Variants in ZNF585A observed in about 807,000 individuals in gnomAD.
ZNF585A encodes the protein zinc finger protein 585A.
ZNF585A carries 9 observed loss-of-function variants against 14.9 expected under a neutral mutation model. The ratio of observed to expected loss-of-function variants is 0.60; its 90% CI spans 0.36 to 1.05. The LOEUF (loss-of-function observed/expected upper bound fraction) is 1.05. Ranked by LOEUF, ZNF585A falls within the 50% of genes least tolerant of loss-of-function variation. ZNF585A has a pLI of 0.01. For missense variants in ZNF585A, 726 were observed against 926.4 expected, an observed-to-expected ratio of 0.78 and a Z score of 2.81; for synonymous variants, 276 against 319.9, an observed-to-expected ratio of 0.86 and a Z score of 1.46.
intron 2 of ZNF585A, among the ~76,000 whole-genome samples, chr19:37,169,434 GT>G: frequency 7.3e-6 from 1 of 136,444 alleles, no homozygotes; most frequent in Non-Finnish European, 1.6e-5. Context: ...AAACAGAAAT[GT>G]AAAAAAAAAA....
chr19:37,152,865 T>G lies in ZNF585A; in HGVS notation c.1034A>C (p.Lys345Thr). The change falls in exon 5 of 5, where the codon AAG (lysine) becomes ACG (threonine). Residue 345 changes from lysine (K) to threonine (T), a missense_variant. Coordinates refer to ENST00000292841, the MANE Select transcript of ZNF585A (RefSeq NM_001288800.2). ...AGATTTCTCTCTACTTTGAACTTTC[T>G]TATGTGTAACGAGGTTGGAATTATT... ...FSNNSNLVTHKKVQSREKSSI... is the reference protein window; with the variant it reads ...FSNNSNLVTHTKVQSREKSSI... 1 of 1,614,226 alleles carries G rather than the reference T, an allele frequency of 6.2e-7. No homozygotes were observed. Among genetic ancestry groups the G allele is most frequent in the Non-Finnish European group, 8.5e-7 (1 of 1,180,042 alleles).
In ZNF585A at chr19:37,152,169, G is replaced by A; in HGVS notation, c.1730C>T (p.Pro577Leu). The A allele has an allele frequency of 6.2e-7, 1 of 1,609,200 alleles. No homozygotes were observed. Among genetic ancestry groups the A allele is most frequent in the Non-Finnish European group, 8.5e-7 (1 of 1,177,174 alleles). ...VHQKIHTGEK[P>L]YVCTECGRAF... ...TCTTCCACACTCAGTGCATACATAG[G>A]GTTTCTCTCCTGTATGAATTTTCTG... is the stretch of plus-strand genomic sequence containing the variant. Residue 577 changes from proline to leucine, a missense_variant, in exon 5 of 5, where the codon CCC becomes CTC. Pro to Leu is a moderately conservative substitution (Grantham distance 98). Around this residue, in one of 2 missense-constraint regions of ZNF585A, gnomAD observed 243 missense variants for 383.6 expected, o/e 0.63. Transcript: ENST00000292841.
intron 2 of ZNF585A, among the ~76,000 whole-genome samples, chr19:37,162,157 C>T (rs191019537): frequency 2.2e-4 from 34 of 152,344 alleles, no homozygotes; most frequent in African/African-American, 7.9e-4. Context: ...CTCCTGACCT[C>T]GGGTCATCTG....
At chr19:37,166,992 C>A (rs1439547237) in intron 2 of ZNF585A, among the ~76,000 whole-genome samples, 7 of 151,908 alleles carry the variant, frequency 4.6e-5, no homozygotes, top group African/African-American at 1.7e-4. Flanking sequence ...CACCACCACA[C>A]CTGGCTAATT....
At position 37,152,665 on chromosome 19, in the gene ZNF585A, A is replaced by G. The variant is rs1482085587; in HGVS notation, c.1234T>C (p.Cys412Arg). The G allele has an allele frequency of 4.3e-6, 7 of 1,613,824 alleles. No homozygotes were observed. The highest frequency in any genetic ancestry group is 5.1e-6 in the Non-Finnish European group (6 of 1,179,900). Residue 412 changes from cysteine to arginine, a missense_variant, in exon 5 of 5, where the codon TGC (cysteine) becomes CGC (arginine). Around this residue, in one of 2 missense-constraint regions of ZNF585A, gnomAD observed 483 missense variants for 542.8 expected, o/e 0.89. Transcript: ENST00000292841. ...ATGAAGGCCAGTCCACATTTCATGC[A>G]TATATACGATTTTTCTCCTGTATGA... ...RIHTGEKSYI[C>R]MKCGLAFIQK...
chr19:37,170,405 G>A (rs1362992887), intron 1 of ZNF585A, among the ~76,000 whole-genome samples: 1 of 152,224 alleles, frequency 6.6e-6, no homozygotes, highest in Admixed American at 6.5e-5. Context: ...GGTGAAATAT[G>A]GGAAAAGTCA....
In ZNF585A at chr19:37,152,089, T is replaced by C. The variant is rs780563301; in HGVS notation, c.1810A>G (p.Lys604Glu). The C allele has an allele frequency of 1.9e-6, 3 of 1,604,106 alleles. No homozygotes were observed. The highest frequency in any genetic ancestry group is 2.6e-6 in the Non-Finnish European group (3 of 1,173,862). ...CCACAGTCACTGCATTCATAAGGCT[T>C]CTCTCCAGTATGAATTCTTTGATGA... is the stretch of plus-strand genomic sequence containing the variant. ...ITHQRIHTGEKPYECSDCGKS... is the reference protein window; with the variant it reads ...ITHQRIHTGEEPYECSDCGKS... Residue 604 changes from lysine to glutamate, a missense_variant, in exon 5 of 5, where the codon AAG becomes GAG. Transcript: ENST00000292841.
Position 37,151,820 on chromosome 19 carries a change from A to G in ZNF585A, c.2079T>C (p.Ser693=). 6.2e-7 allele frequency: 1 copy of G among 1,612,684 alleles called. No homozygotes were observed. Among genetic ancestry groups the G allele is most frequent in the Non-Finnish European group, 8.5e-7 (1 of 1,179,218 alleles). Residue 693 remains serine, a synonymous_variant, in exon 5 of 5, where the codon AGT becomes AGC. Coordinates refer to ENST00000292841, the MANE Select transcript of ZNF585A (RefSeq NM_001288800.2). The part of the protein sequence containing the change: ...IHTGEKPYEC[S]DCGKSFTKKS... The stretch of plus-strand genomic sequence containing the variant: ...TTTTAGTGAAAGACTTCCCACAGTC[A>G]CTGCACTCATAAGGTTTCTCTCCAG...
intron 3 of ZNF585A, 77 bp from the exon 4 acceptor site, chr19:37,156,034 G>A: frequency 6.3e-7 from 1 of 1,596,704 alleles, no homozygotes; most frequent in South Asian, 1.1e-5. Context: ...CTTATTCTTT[G>A]ATGAGGATTT....
chr19:37,150,691 A>G lies in ZNF585A; in HGVS notation c.*898T>C, dbSNP rs1971812587. On this transcript the variant is annotated 3_prime_UTR_variant, in exon 5 of 5. Coordinates refer to ENST00000292841, the MANE Select transcript of ZNF585A (RefSeq NM_001288800.2). ...TTCATATAAGTTATTAATCTGTTAC[A>G]TGAAAGTTACATCCTTAAGGAAGCC... The G allele has an allele frequency of 6.5e-6, 1 of 153,300 alleles. No homozygotes were observed. Among genetic ancestry groups the G allele is most frequent in the South Asian group, 2.1e-4 (1 of 4,846 alleles). The allele number at this position is 153,300 out of a possible 1,614,324, so 9.5% of individuals were successfully genotyped here.
intron 2 of ZNF585A, among the ~76,000 whole-genome samples, chr19:37,163,648 T>G (rs1972044246): frequency 6.6e-6 from 1 of 152,072 alleles, no homozygotes; most frequent in Non-Finnish European, 1.5e-5. Flanking sequence ...AGTGTAGAAC[T>G]GTTATCATTA....
At chr19:37,158,100 A>C (rs1270281975) in intron 2 of ZNF585A, among the ~76,000 whole-genome samples, 18 of 151,966 alleles carry the variant, frequency 1.2e-4, no homozygotes, top group Admixed American at 1.2e-3. Context: ...GCTGGCCAGG[A>C]TGGTCTCGAT....
At chr19:37,158,537 T>C (rs534105335) in intron 2 of ZNF585A, among the ~76,000 whole-genome samples, 1 of 152,206 alleles carries the variant, frequency 6.6e-6, no homozygotes, top group Non-Finnish European at 1.5e-5. Flanking sequence ...TGAAACGTAC[T>C]GAACAATATG....
intron 4 of ZNF585A, 133 bp from the exon 5 acceptor site, chr19:37,153,739 G>T (rs746830870): frequency 2.2e-5 from 17 of 766,574 alleles, no homozygotes; most frequent in Non-Finnish European, 3.4e-5. Flanking sequence ...TCCAAATGAG[G>T]CATATTGATG....
Position 37,153,462 on chromosome 19 carries a change from T to C in ZNF585A, c.437A>G (p.Lys146Arg). 6.2e-7 allele frequency: 1 copy of C among 1,614,178 alleles called. No individual in the cohort carries two copies. Among genetic ancestry groups the C allele is most frequent in the Middle Eastern group, 1.6e-4 (1 of 6,062 alleles). Residue 146 changes from lysine (K) to arginine (R), a missense_variant, in exon 5 of 5, where the codon AAA (lysine) becomes AGA (arginine). This residue lies in a region of ZNF585A where 483 missense variants were observed against 542.8 expected (regional missense o/e 0.89). Coordinates refer to ENST00000292841, the MANE Select transcript of ZNF585A (RefSeq NM_001288800.2). ...EKIFTQKSQL[K>R]VHLKVLAGEK... ...TCCTGCAAGAACTTTCAGGTGTACT[T>C]TGAGCTGTGACTTCTGGGTGAATAT...
rs148763149 is a variant in ZNF585A at position 37,168,901 on chromosome 19, T to G, written c.72+938A>C. 2.0e-4 allele frequency among the ~76,000 whole-genome samples: 30 copies of G among 152,340 alleles called. No homozygotes were observed. The East Asian group carries it at 5.6e-3, about 28-fold the overall frequency. ...AAAATGTGTACTTGTTTTTACTTGT[T>G]TATAGAACTAAGCAATCAAAGAAAA... On this transcript the variant is annotated intron_variant, in intron 2 of 4. Coordinates refer to ENST00000292841, the MANE Select transcript of ZNF585A (RefSeq NM_001288800.2).
chr19:37,168,770 C>T (rs935842028), intron 2 of ZNF585A, among the ~76,000 whole-genome samples: 5 of 152,164 alleles, frequency 3.3e-5, no homozygotes, highest in Non-Finnish European at 7.3e-5. Flanking sequence ...AGAATGCCTA[C>T]TGCTACATAG....
chr19:37,154,981 A>T (rs1971901064), intron 4 of ZNF585A, among the ~76,000 whole-genome samples: 1 of 150,598 alleles, frequency 6.6e-6, no homozygotes, highest in Admixed American at 6.6e-5. Flanking sequence ...AATGAGCATA[A>T]CCAAGAAAGA....
At chr19:37,160,224 C>A (rs1453604487) in intron 2 of ZNF585A, among the ~76,000 whole-genome samples, 2 of 151,510 alleles carry the variant, frequency 1.3e-5, no homozygotes, top group Non-Finnish European at 2.9e-5. Context: ...AATAGTGGTC[C>A]CAGCTATTTG....
Sources: allele counts gnomAD v4.1 joint callset (sites outside exome capture counted in the v4.1 genomes callset), GRCh38; gene constraint gnomAD v4.1.1; regional missense constraint gnomAD v4.1.1; transcripts MANE v1.5; gene names NCBI Gene and HGNC (gene_info 2026-07-23, HGNC 2026-07-21).